ERAP1: variants seen among roughly 807,000 people sequenced by gnomAD.
ERAP1 encodes adipocyte-derived leucine aminopeptidase.
ERAP1 carries 86 observed loss-of-function variants against 103.7 expected under a neutral mutation model. That is an observed-to-expected ratio of 0.83 (90% CI 0.70 to 0.99). The LOEUF (loss-of-function observed/expected upper bound fraction) is 0.99. Among genes scored for constraint, ERAP1 ranks in the 50% least tolerant of loss-of-function variants. The pLI is 0.00. For synonymous variants in ERAP1, 398 were observed against 402.4 expected, an observed-to-expected ratio of 0.99 and a Z score of 0.13; for missense variants, 1,009 against 1,128.4, an observed-to-expected ratio of 0.89 and a Z score of 1.52.
chr5:96,824,301 C>T, the ERAP1 span, among the ~76,000 whole-genome samples: 3 of 152,138 alleles, frequency 2.0e-5, no homozygotes, highest in African/African-American at 7.2e-5. Context: ...CCACTGGCAG[C>T]CTGGGTTGGG....
chr5:96,852,185 T>C, the ERAP1 span, among the ~76,000 whole-genome samples: 4 of 152,272 alleles, frequency 2.6e-5, no homozygotes, highest in African/African-American at 7.2e-5. Flanking sequence ...TTAAATGTTA[T>C]TATTAAAAAA....
chr5:96,849,569 A>T, the ERAP1 span, among the ~76,000 whole-genome samples: 1 of 152,196 alleles, frequency 6.6e-6, no homozygotes, highest in African/African-American at 2.4e-5. Context: ...AAAGATCTGC[A>T]TACTGAACAC....
At chr5:96,855,058 T>C in the ERAP1 span, among the ~76,000 whole-genome samples, 5 of 152,216 alleles carry the variant, frequency 3.3e-5, no homozygotes, top group Non-Finnish European at 7.3e-5. Flanking sequence ...AGTCTTAATA[T>C]ATTATGAAGT....
the ERAP1 span, among the ~76,000 whole-genome samples, chr5:96,892,911 T>C: frequency 7.2e-5 from 11 of 152,302 alleles, no homozygotes; most frequent in Admixed American, 3.9e-4. Flanking sequence ...ATTTGATGGG[T>C]TGATGATCCT....
intron 11 of ERAP1, among the ~76,000 whole-genome samples, chr5:96,788,246 G>C (rs1776316828): frequency 6.6e-6 from 1 of 152,036 alleles, no homozygotes; most frequent in Non-Finnish European, 1.5e-5. Flanking sequence ...GGTTGGAGTT[G>C]ATTTCAAGCC....
At chr5:96,805,347 T>G (rs1162837852) in intron 1 of ERAP1, among the ~76,000 whole-genome samples, 2 of 63,318 alleles carry the variant, frequency 3.2e-5, no homozygotes, top group South Asian at 4.2e-4. Context: ...TGGTTTTTGG[T>G]TTTTTTTTTT....
chr5:96,784,297 C>T (rs559315201), intron 13 of ERAP1, among the ~76,000 whole-genome samples: 10 of 152,250 alleles, frequency 6.6e-5, no homozygotes, highest in South Asian at 4.1e-4. Context: ...GAGTTCAAGA[C>T]CAGCCTGGCC....
chr5:96,818,480 G>A, the ERAP1 span, among the ~76,000 whole-genome samples: 2 of 151,092 alleles, frequency 1.3e-5, no homozygotes, highest in African/African-American at 2.4e-5. Context: ...TGGCCCTAGA[G>A]TTAATGGCTA....
chr5:96,883,804 A>G, the ERAP1 span: 1 of 1,610,690 alleles, frequency 6.2e-7, no homozygotes, highest in South Asian at 1.1e-5. Context: ...TTCTTGCAGT[A>G]ACAGATTTTG....
At chr5:96,826,602 G>C in the ERAP1 span, among the ~76,000 whole-genome samples, 1 of 152,176 alleles carries the variant, frequency 6.6e-6, no homozygotes, top group African/African-American at 2.4e-5. Flanking sequence ...TAGCCATCCA[G>C]GTTCAGCCAG....
At chr5:96,911,764 T>C in the ERAP1 span, among the ~76,000 whole-genome samples, 1 of 150,072 alleles carries the variant, frequency 6.7e-6, no homozygotes, top group Non-Finnish European at 1.5e-5. Flanking sequence ...TCACAGCTGC[T>C]CAGGAGGCTG....
At chr5:96,814,723 C>T in the ERAP1 span, among the ~76,000 whole-genome samples, 9 of 152,250 alleles carry the variant, frequency 5.9e-5, no homozygotes, top group South Asian at 4.2e-4. Context: ...AACAAAGAGA[C>T]CAAGCCCCGA....
chr5:96,863,009 GTTAAC>G, the ERAP1 span, among the ~76,000 whole-genome samples: 1 of 152,168 alleles, frequency 6.6e-6, no homozygotes, highest in Non-Finnish European at 1.5e-5. Context: ...CACTTGCCAT[GTTAAC>G]TTATGCTTCT....
chr5:96,935,021 G>A, the ERAP1 span: 1,381 of 152,512 alleles, frequency 9.1e-3, 30 homozygotes, highest in East Asian at 0.065. Flanking sequence ...TAGCGGGGCT[G>A]CCCGATTTGG....
In ERAP1 at chr5:96,786,710, T is replaced by C. The variant is rs370626699; in HGVS notation, c.1680-161A>G. 3 of 608,420 alleles carry C rather than the reference T, an allele frequency of 4.9e-6. No individual in the cohort carries two copies. In the South Asian group the frequency reaches 5.7e-5, roughly 12 times the overall value. 37.7% of individuals were successfully genotyped at this position (608,420 alleles called of 1,614,324 possible). ...ACATCCCCAGTCTGTTTTCCAGCTT[T>C]GTAGGGAGTGTCAGCTCGGGCACTA... On this transcript the variant is annotated intron_variant, in intron 11 of 18. Transcript: ENST00000443439.
the ERAP1 span, among the ~76,000 whole-genome samples, chr5:96,886,085 G>T: frequency 3.3e-5 from 5 of 152,292 alleles, no homozygotes; most frequent in African/African-American, 1.2e-4. Context: ...TCCACATCTT[G>T]GTCCTACCGT....
At chr5:96,809,848 A>G (rs909714542), upstream of ERAP1, among the ~76,000 whole-genome samples, 5 of 152,170 alleles carry the variant, frequency 3.3e-5, no homozygotes, top group African/African-American at 1.2e-4. Flanking sequence ...TTTGAATATG[A>G]TGGTTTTCCT....
At position 96,776,288 on chromosome 5, in the gene ERAP1, GA is replaced by G; in HGVS notation, c.*107del. The stretch of plus-strand genomic sequence containing the variant: ...GGATAGTCAAAAAATGAGTTGAAGG[GA>G]AAAAAGTATCTCCAGTTGGAGCCAA... On this transcript the variant is annotated 3_prime_UTR_variant, in exon 19 of 19. Coordinates refer to ENST00000443439, the MANE Select transcript of ERAP1 (RefSeq NM_001040458.3). The G allele has an allele frequency of 1.3e-6, 2 of 1,536,384 alleles. No homozygotes were observed. Among genetic ancestry groups the G allele is most frequent in the Non-Finnish European group, 1.7e-6 (2 of 1,147,656 alleles).
chr5:96,765,980 C>A, intron 19 of ERAP1: 1 of 855,284 alleles, frequency 1.2e-6, no homozygotes, highest in Non-Finnish European at 1.9e-6. Context: ...ATGCTGAATG[C>A]TGCATTTGAC....
Sources: allele counts gnomAD v4.1 joint callset (sites outside exome capture counted in the v4.1 genomes callset), GRCh38; gene constraint gnomAD v4.1.1; transcripts MANE v1.5; gene names NCBI Gene and HGNC (gene_info 2026-07-23, HGNC 2026-07-21).